Variants in GNS observed in about 807,000 individuals in gnomAD.
GNS encodes the protein N-acetylglucosamine-6-sulfatase.
In GNS, 40 loss-of-function variants were observed where a neutral mutation model predicts 69.7. The observed-to-expected ratio is 0.57, with a 90% CI of 0.45 to 0.75. GNS has a LOEUF of 0.75. GNS is among the 30% of genes least tolerant of loss of function. The pLI is 0.00. For synonymous variants in GNS, 243 were observed against 251.6 expected, an observed-to-expected ratio of 0.97 and a Z score of 0.32; for missense variants, 565 against 685.5, an observed-to-expected ratio of 0.82 and a Z score of 1.96.
chr12:64,738,003 T>G (rs1041144789), intron 8 of GNS, among the ~76,000 whole-genome samples: 10 of 151,878 alleles, frequency 6.6e-5, no homozygotes, highest in African/African-American at 2.4e-4. Flanking sequence ...ATGTGGACTT[T>G]GCCTGCATCT....
intron 13 of GNS, among the ~76,000 whole-genome samples, chr12:64,718,094 G>C (rs1262830166): frequency 6.6e-6 from 1 of 152,158 alleles, no homozygotes; most frequent in Non-Finnish European, 1.5e-5. Context: ...CCCGCAGGTG[G>C]GGCTAGATTG....
At chr12:64,722,517 G>A (rs190101617) in intron 11 of GNS, among the ~76,000 whole-genome samples, 40 of 152,280 alleles carry the variant, frequency 2.6e-4, no homozygotes, top group Non-Finnish European at 4.4e-4. Flanking sequence ...TAACACTTTG[G>A]TGTTAGAAGA....
intron 10 of GNS, among the ~76,000 whole-genome samples, chr12:64,726,259 A>G (rs1021070978): frequency 2.6e-5 from 4 of 152,096 alleles, no homozygotes; most frequent in African/African-American, 7.2e-5. Context: ...ACACAGCTTT[A>G]TAAGACAAAA....
intron 9 of GNS, among the ~76,000 whole-genome samples, chr12:64,732,605 C>T (rs543446935): frequency 1.7e-4 from 26 of 151,786 alleles, no homozygotes; most frequent in Non-Finnish European, 2.6e-4. Flanking sequence ...GGACTATAGG[C>T]GCCCGCCACC....
At position 64,728,415 on chromosome 12, in the gene GNS, T is replaced by C. The variant is rs183250620; in HGVS notation, c.1200+541A>G. Among the ~76,000 whole-genome samples the C allele has an allele frequency of 5.6e-4, 85 of 152,324 alleles. 2 individuals carry two copies. In the East Asian group the frequency reaches 0.015, roughly 27 times the overall value. ...AGTGGTATGTCTTGTTAAACTAAAC[T>C]CTTGGTAAGTTATACTGATTACACT... On this transcript the variant is annotated intron_variant, in intron 10 of 13. Coordinates refer to ENST00000258145, the MANE Select transcript of GNS (RefSeq NM_002076.4).
chr12:64,742,897 T>C (rs1003035813), intron 6 of GNS, among the ~76,000 whole-genome samples: 2 of 152,178 alleles, frequency 1.3e-5, no homozygotes, highest in Non-Finnish European at 2.9e-5. Flanking sequence ...TTCCTGTAAA[T>C]TGGGAAAGAT....
intron 6 of GNS, among the ~76,000 whole-genome samples, chr12:64,741,720 A>G (rs950875544): frequency 1.3e-5 from 2 of 152,112 alleles, no homozygotes; most frequent in Non-Finnish European, 2.9e-5. Context: ...ACATCCCTAT[A>G]TACTATTCTC....
chr12:64,742,311 C>CAT (rs1869771734), intron 6 of GNS, among the ~76,000 whole-genome samples: 1 of 152,248 alleles, frequency 6.6e-6, no homozygotes, highest in African/African-American at 2.4e-5. Flanking sequence ...TGAGCCACTG[C>CAT]GCCCGGCCAG....
Position 64,736,495 on chromosome 12 carries a change from C to G in GNS, c.1098+509G>C, listed in dbSNP as rs142028316. The stretch of plus-strand genomic sequence containing the variant: ...CAGAATCTGCATTTTAACCAGATCC[C>G]AGGGGATTCACACACAGAAAAGCCT... On this transcript the variant is annotated intron_variant, in intron 9 of 13. Transcript: ENST00000258145. Among the ~76,000 whole-genome samples the G allele has an allele frequency of 1.5e-3, 236 of 152,316 alleles. 1 individual carries two copies. The highest frequency in any genetic ancestry group is 5.5e-3 in the African/African-American group (227 of 41,562).
chr12:64,733,015 G>T (rs1869452310), intron 9 of GNS, among the ~76,000 whole-genome samples: 1 of 152,086 alleles, frequency 6.6e-6, no homozygotes, highest in Non-Finnish European at 1.5e-5. Context: ...TAGACTGGCT[G>T]TGGTGGCTCA....
At chr12:64,719,746 T>C (rs749846008) in intron 13 of GNS, among the ~76,000 whole-genome samples, 25 of 152,076 alleles carry the variant, frequency 1.6e-4, no homozygotes, top group Non-Finnish European at 3.4e-4. Context: ...AAACAAGTGG[T>C]ACCATGACAA....
intron 11 of GNS, among the ~76,000 whole-genome samples, chr12:64,722,062 T>C (rs1470404766): frequency 1.3e-5 from 2 of 151,914 alleles, no homozygotes; most frequent in African/African-American, 2.4e-5. Context: ...TTTGCTCTTG[T>C]CGTGCAGGCT....
Position 64,743,090 on chromosome 12 carries a change from T to C in GNS, c.792+51A>G, listed in dbSNP as rs769757985. On this transcript the variant is annotated intron_variant, in intron 6 of 13. Transcript: ENST00000258145. ...CAAAGGCTTCCTGACAAGTATACCA[T>C]ATAGTTAATGATACTTAGTATGGCT... 6 of 1,355,482 alleles carry C rather than the reference T, an allele frequency of 4.4e-6. No homozygotes were observed. The East Asian group carries it at 9.1e-5, about 21-fold the overall frequency. The allele number at this position is 1,355,482 out of a possible 1,614,324, so 84.0% of individuals were successfully genotyped here.
intron 9 of GNS, among the ~76,000 whole-genome samples, chr12:64,735,427 T>A (rs963858242): frequency 2.0e-5 from 3 of 152,248 alleles, no homozygotes; most frequent in Admixed American, 2.0e-4. Flanking sequence ...AAACTTAGAA[T>A]AGCACCTGTC....
In GNS at chr12:64,747,815, C is replaced by T. The variant is rs751285991; in HGVS notation, c.356G>A (p.Ser119Asn). 4 of 1,606,284 alleles carry T rather than the reference C, an allele frequency of 2.5e-6. No homozygotes were observed. The highest frequency in any genetic ancestry group is 1.7e-6 in the Non-Finnish European group (2 of 1,172,816). The change falls in exon 3 of 14, where the codon AGT becomes AAT. Residue 119 changes from serine to asparagine, a missense_variant. By Grantham distance (46) the Ser-to-Asn change is conservative. Around this residue, in one of 2 missense-constraint regions of GNS, gnomAD observed 181 missense variants for 174.4 expected, o/e 1.04. Coordinates refer to ENST00000258145, the MANE Select transcript of GNS (RefSeq NM_002076.4). Reference protein sequence around the residue: ...VVNNTLEGNCSSKSWQKIQEP... With the variant: ...VVNNTLEGNCNSKSWQKIQEP... ...TTGGATCTTCTGCCAGGACTTACTA[C>T]TGCAGTTCCCCTCCAGAGTGTTGTT... is the stretch of plus-strand genomic sequence containing the variant.
intron 9 of GNS, among the ~76,000 whole-genome samples, chr12:64,735,705 C>G (rs1427210619): frequency 6.6e-6 from 1 of 152,208 alleles, no homozygotes. Flanking sequence ...TCTCCTCAAT[C>G]AGTTCCAAAC....
In GNS at chr12:64,714,870, G is replaced by C. The variant is rs1245786340; in HGVS notation, c.*1871C>G. Reference sequence around the variant, plus strand: ...AGTGCTTTCAGTTACAACATTTTTTGAATTTCCTTCTCTAAAACATTCACA... The same window carrying C: ...AGTGCTTTCAGTTACAACATTTTTTCAATTTCCTTCTCTAAAACATTCACA... On this transcript the variant is annotated 3_prime_UTR_variant, in exon 14 of 14. Coordinates refer to ENST00000258145, the MANE Select transcript of GNS (RefSeq NM_002076.4). 6.6e-6 allele frequency: 1 copy of C among 152,538 alleles called. No homozygotes were observed. Among genetic ancestry groups the C allele is most frequent in the Admixed American group, 6.5e-5 (1 of 15,274 alleles). The allele number at this position is 152,538 out of a possible 1,614,324, so 9.4% of individuals were successfully genotyped here.
intron 6 of GNS, 152 bp downstream of exon 6, chr12:64,742,989 G>T: frequency 1.3e-6 from 1 of 751,940 alleles, no homozygotes. Context: ...TGCAATGCAA[G>T]TTTATACTAT....
intron 10 of GNS, among the ~76,000 whole-genome samples, chr12:64,725,295 T>C (rs1316958137): frequency 6.6e-6 from 1 of 152,160 alleles, no homozygotes; most frequent in Non-Finnish European, 1.5e-5. Flanking sequence ...GAAGCAGCCA[T>C]CAACAATACA....
Sources: allele counts gnomAD v4.1 joint callset (sites outside exome capture counted in the v4.1 genomes callset), GRCh38; gene constraint gnomAD v4.1.1; regional missense constraint gnomAD v4.1.1; transcripts MANE v1.5; gene names NCBI Gene and HGNC (gene_info 2026-07-23, HGNC 2026-07-21).